ADCY4: variants seen among roughly 807,000 people sequenced by gnomAD.
The protein encoded by ADCY4 is adenylate cyclase type 4.
In ADCY4, 111 loss-of-function variants were observed where a neutral mutation model predicts 125.5. The ratio of observed to expected loss-of-function variants is 0.88; its 90% CI spans 0.76 to 1.04. The LOEUF (loss-of-function observed/expected upper bound fraction) is 1.04, where lower values mean the gene tolerates loss of function less well. ADCY4 is among the 50% of genes least tolerant of loss of function. The pLI is 0.00. For missense variants in ADCY4, 1,256 were observed against 1,382.9 expected, an observed-to-expected ratio of 0.91 and a Z score of 1.46; for synonymous variants, 576 against 586.9, an observed-to-expected ratio of 0.98 and a Z score of 0.27.
At chr14:24,329,776 T>C in intron 8 of ADCY4, 84 bp downstream of exon 8, 4 of 1,547,160 alleles carry the variant, frequency 2.6e-6, no homozygotes, top group Non-Finnish European at 2.6e-6. Context: ...CTTGTGCTTA[T>C]CTTAAGGAAC....
At chr14:24,333,030 A>C (rs763314991) in intron 1 of ADCY4, 42 bp from the exon 2 acceptor site, 26 of 1,491,748 alleles carry the variant, frequency 1.7e-5, no homozygotes, top group Middle Eastern at 3.6e-4. Context: ...GACAGGGAGA[A>C]GGAACGAACC....
chr14:24,328,818 A>G lies in ADCY4; in HGVS notation c.1524+243T>C, dbSNP rs528684669. 1.6e-5 allele frequency: 9 copies of G among 549,628 alleles called. No individual in the cohort carries two copies. In the East Asian group the frequency reaches 2.5e-4, roughly 15 times the overall value. The allele number at this position is 549,628 out of a possible 1,614,324, so 34.0% of individuals were successfully genotyped here. A position where few individuals can be genotyped will look rare whatever the true frequency, so the allele number is the denominator to read the frequency against. On this transcript the variant is annotated intron_variant, in intron 10 of 24. Transcript: ENST00000418030. ...CCGACCCTGTGGGGCTGGTCCCTAC[A>G]ATGGTGTCTGTAGGGATCTTGTATC...
chr14:24,331,068 G>C lies in ADCY4; in HGVS notation c.880C>G (p.Leu294Val). 2 of 1,613,352 alleles carry C rather than the reference G, an allele frequency of 1.2e-6. No homozygotes were observed. The highest frequency in any genetic ancestry group is 2.2e-5 in the South Asian group (2 of 91,074). ...RLASECSPKE[L>V]VLMLNELFGK... The stretch of plus-strand genomic sequence containing the variant: ...AAGAGCTCATTGAGCATGAGCACCA[G>C]CTCCTTAGGGGAACACTCGCTGGCC... The change falls in exon 6 of 25, where the codon CTG (leucine) becomes GTG (valine). Residue 294 changes from leucine to valine, a missense_variant. Transcript: ENST00000418030.
At chr14:24,329,699 C>T (rs1292863579) in intron 8 of ADCY4, among the ~76,000 whole-genome samples, 161 bp downstream of exon 8, 1 of 152,108 alleles carries the variant, frequency 6.6e-6, no homozygotes, top group Non-Finnish European at 1.5e-5. Context: ...GGAGGTGCCT[C>T]CCAGCTCCCC....
Position 24,325,385 on chromosome 14 carries a change from C to G in ADCY4, c.1815G>C (p.Val605=), listed in dbSNP as rs750127798. 5.0e-6 allele frequency: 8 copies of G among 1,613,244 alleles called. No individual in the cohort carries two copies. The Admixed American group carries it at 6.7e-5, about 13-fold the overall frequency. Residue 605 remains valine (V), a synonymous_variant, in exon 14 of 25, where the codon GTG becomes GTC. Coordinates refer to ENST00000418030, the MANE Select transcript of ADCY4 (RefSeq NM_001198568.2). ...FLSNFIIQML[V]TNRPPALAIT... is the part of the protein sequence containing the mutation. ...GCCTGGGGCACTCTCACCTGTTTGT[C>G]ACTAGCATCTGGATGATGAAGTTGG...
rs1002481422 is a variant in ADCY4, at chr14:24,323,518, G to C, written c.2047-64C>G. 1.0e-5 allele frequency: 16 copies of C among 1,540,584 alleles called. No homozygotes were observed. In the African/African-American group the frequency reaches 2.1e-4, roughly 20 times the overall value. Reference sequence around the variant, plus strand: ...CTTGGGCACAGTGGTGGCTTGTGCTGGGTTTCAGCTGACCCAGGGATGAGT... The same window carrying C: ...CTTGGGCACAGTGGTGGCTTGTGCTCGGTTTCAGCTGACCCAGGGATGAGT... On this transcript the variant is annotated intron_variant, in intron 16 of 24. Coordinates refer to ENST00000418030, the MANE Select transcript of ADCY4 (RefSeq NM_001198568.2).
rs200290305 is a variant in ADCY4 at position 24,331,272 on chromosome 14, C to T, written c.754G>A (p.Gly252Arg). 73 of 1,614,076 alleles carry T rather than the reference C, an allele frequency of 4.5e-5. No individual in the cohort carries two copies. Among genetic ancestry groups the T allele is most frequent in the Non-Finnish European group, 5.7e-5 (67 of 1,180,038 alleles). ...TTGTTAGTGCTCTCTGGCCGTGACC[C>T]CTGTCCTGCCTGCAGCCGTGCCATG... ...EIMARLQAGQ[G>R]SRPESTNNFH... is the part of the protein sequence containing the mutation. Residue 252 changes from glycine to arginine, a missense_variant, in exon 5 of 25, where the codon GGG (glycine) becomes AGG (arginine). Transcript: ENST00000418030.
In ADCY4 at chr14:24,331,803, G is replaced by A. The variant is rs146843899; in HGVS notation, c.654C>T (p.Thr218=). ...CCCGGCTGACCTGGTGCTTCTTCTC[G>A]GTGTCCAGCCGCCGGCGTGAGTGCA... is the stretch of plus-strand genomic sequence containing the variant. ...SSLHSRRRLD[T]EKKHQEHLLL... The change falls in exon 4 of 25, where the codon ACC becomes ACT. Residue 218 remains threonine, a synonymous_variant. Coordinates refer to ENST00000418030, the MANE Select transcript of ADCY4 (RefSeq NM_001198568.2). The A allele has an allele frequency of 9.5e-4, 1,515 of 1,589,552 alleles. 2 individuals carry two copies. Among genetic ancestry groups the A allele is most frequent in the Non-Finnish European group, 1.2e-3 (1,349 of 1,163,698 alleles).
intron 14 of ADCY4, 134 bp from the exon 15 acceptor site, chr14:24,324,525 G>A (rs1481831099): frequency 1.6e-5 from 16 of 994,352 alleles, no homozygotes; most frequent in Admixed American, 1.5e-4. Context: ...ATGGGGTCCC[G>A]GCTGATAGAA....
chr14:24,322,114 G>C lies in ADCY4; in HGVS notation c.2538C>G (p.Leu846=), dbSNP rs375130902. 6.2e-7 allele frequency: 1 copy of C among 1,614,138 alleles called. No individual in the cohort carries two copies. The highest frequency in any genetic ancestry group is 1.3e-5 in the African/African-American group (1 of 75,036). Reference sequence around the variant, plus strand: ...TGAACTGGGGGGCCACGTGTGCAGGGAGCACGTTCTCCAAGAGCAGCCGAG... The same window carrying C: ...TGAACTGGGGGGCCACGTGTGCAGGCAGCACGTTCTCCAAGAGCAGCCGAG... The part of the protein sequence containing the change: ...NLTRLLLENV[L]PAHVAPQFIG... Residue 846 remains leucine (L), a synonymous_variant, in exon 20 of 25, where the codon CTC becomes CTG. Coordinates refer to ENST00000418030, the MANE Select transcript of ADCY4 (RefSeq NM_001198568.2).
chr14:24,334,436 C>A (rs1011438508), intron 1 of ADCY4, 58 bp downstream of exon 1: 2 of 1,500,538 alleles, frequency 1.3e-6, no homozygotes, highest in Admixed American at 2.3e-5. Flanking sequence ...CCCCACAAAC[C>A]CCAACCCCGA....
intron 11 of ADCY4, 53 bp downstream of exon 11, chr14:24,326,246 T>A (rs1168845146): frequency 6.2e-7 from 1 of 1,612,120 alleles, no homozygotes; most frequent in Non-Finnish European, 8.5e-7. Flanking sequence ...CCAGGGAGGA[T>A]GGAGGGGGTC....
chr14:24,329,916 G>A lies in ADCY4; in HGVS notation c.1161C>T (p.Asp387=), dbSNP rs758534574. ...GVIGLQKWQY[D]VWSHDVTLAN... The stretch of plus-strand genomic sequence containing the variant: ...CCAGTGTGACATCATGTGACCAAAC[G>A]TCGTACTGCCACTTCTGCAGCCCGA... Residue 387 remains aspartate, a synonymous_variant, in exon 8 of 25, where the codon GAC becomes GAT. Coordinates refer to ENST00000418030, the MANE Select transcript of ADCY4 (RefSeq NM_001198568.2). 5 of 1,613,962 alleles carry A rather than the reference G, an allele frequency of 3.1e-6. No homozygotes were observed. The highest frequency in any genetic ancestry group is 1.6e-4 in the Middle Eastern group (1 of 6,076).
Position 24,319,787 on chromosome 14 carries a change from T to C in ADCY4, c.2688A>G (p.Leu896=). ...TCTCATTGAGCAGCCTCAGACACTC[T>C]AGGCCCTCATGATTGATGTTGGATT... is the stretch of plus-strand genomic sequence containing the variant. ...YSESNINHEG[L]ECLRLLNEII... The change falls in exon 21 of 25, where the codon CTA becomes CTG. Residue 896 remains leucine (L), a synonymous_variant. Transcript: ENST00000418030. This position sits in a 1 kb window ranked among gnomAD's most constrained non-coding sequence, Gnocchi z 4.5. 6.2e-7 allele frequency: 1 copy of C among 1,614,194 alleles called. No homozygotes were observed. Among genetic ancestry groups the C allele is most frequent in the East Asian group, 2.2e-5 (1 of 44,886 alleles).
chr14:24,334,153 G>T (rs1196241733), intron 1 of ADCY4, among the ~76,000 whole-genome samples: 1 of 152,166 alleles, frequency 6.6e-6, no homozygotes, highest in African/African-American at 2.4e-5. Context: ...GGGAGAGAAA[G>T]GCAGGAAATG....
chr14:24,327,760 A>G (rs2041971360), intron 10 of ADCY4, among the ~76,000 whole-genome samples: 1 of 151,964 alleles, frequency 6.6e-6, no homozygotes, highest in Admixed American at 6.5e-5. Context: ...AGGGGAAGGC[A>G]CTCTCCTGAG....
intron 6 of ADCY4, 45 bp downstream of exon 6, chr14:24,330,973 G>A: frequency 6.5e-7 from 1 of 1,536,726 alleles, no homozygotes; most frequent in Non-Finnish European, 8.9e-7. Flanking sequence ...TACCCAGGAT[G>A]GGATGTTTGA....
intron 14 of ADCY4, among the ~76,000 whole-genome samples, chr14:24,325,001 G>A (rs2041919907): frequency 6.6e-6 from 1 of 152,092 alleles, no homozygotes; most frequent in African/African-American, 2.4e-5. Flanking sequence ...ATCACACCCG[G>A]CCACCTGGCT....
chr14:24,329,374 C>A (rs1443650469), intron 9 of ADCY4, 27 bp downstream of exon 9: 3 of 1,544,532 alleles, frequency 1.9e-6, no homozygotes, highest in Non-Finnish European at 2.6e-6. Flanking sequence ...TGTAGGCCAG[C>A]CCATGGGGTC....
Sources: gnomAD v4.1 joint callset for allele counts (sites outside exome capture counted in the v4.1 genomes callset) on GRCh38, gnomAD v4.1.1 for gene constraint, Gnocchi (gnomAD v3.1) non-coding constraint, MANE v1.5 for transcripts, NCBI Gene and HGNC (gene_info 2026-07-23, HGNC 2026-07-21) for gene names.